The following ATL3 variants were observed in gnomAD, a reference collection of about 807,000 sequenced individuals.
The protein encoded by ATL3 is atlastin-3.
ATL3 carries 49 observed loss-of-function variants against 69.5 expected under a neutral mutation model. That is an observed-to-expected ratio of 0.71 (90% CI 0.56 to 0.89). ATL3 has a LOEUF of 0.89. Among genes scored for constraint, ATL3 ranks in the 40% least tolerant of loss-of-function variants. The probability of loss-of-function intolerance (pLI) is 0.00; values close to 1 mark genes in which losing one functional copy is unlikely to be tolerated. For missense variants in ATL3, 606 were observed against 645.7 expected, an observed-to-expected ratio of 0.94 and a Z score of 0.67; for synonymous variants, 214 against 224.1, an observed-to-expected ratio of 0.95 and a Z score of 0.40.
In ATL3 at chr11:63,635,527, T is replaced by G. The variant is rs1190085163; in HGVS notation, c.1035+7A>C. 6.2e-7 allele frequency: 1 copy of G among 1,610,346 alleles called. No individual in the cohort carries two copies. The highest frequency in any genetic ancestry group is 1.3e-5 in the African/African-American group (1 of 74,838). ...GGTAGCGTTTAGGATGTCAAATCAT[T>G]GTTTACCTGAAGCATGGACTTGGGG... On this transcript the variant is annotated splice_region_variant and intron_variant, in intron 10 of 12. Transcript: ENST00000398868.
chr11:63,632,740 T>C lies in ATL3; in HGVS notation c.1107+286A>G, dbSNP rs1192777402. The C allele has an allele frequency of 8.6e-6, 10 of 1,158,914 alleles. No homozygotes were observed. In the South Asian group the frequency reaches 1.1e-4, roughly 13 times the overall value. The allele number at this position is 1,158,914 out of a possible 1,614,324, so 71.8% of individuals were successfully genotyped here. On this transcript the variant is annotated intron_variant, in intron 11 of 12. Transcript: ENST00000398868. ...GATGATTAGTAAGCATTTATTCTTT[T>C]GACTTGATTATTGTCTCCTGCTCAT...
chr11:63,653,696 A>G (rs1455388355), intron 3 of ATL3, among the ~76,000 whole-genome samples: 1 of 152,236 alleles, frequency 6.6e-6, no homozygotes, highest in Non-Finnish European at 1.5e-5. Flanking sequence ...AAAGAGTTGC[A>G]GAAATCTTAA....
intron 1 of ATL3, among the ~76,000 whole-genome samples, chr11:63,665,675 G>A (rs1046089700): frequency 1.3e-5 from 2 of 152,084 alleles, no homozygotes; most frequent in African/African-American, 4.8e-5. Flanking sequence ...GATCACCTGA[G>A]ATCAGGAGTT....
Position 63,643,343 on chromosome 11 carries a change from C to T in ATL3, c.850+14G>A. The T allele has an allele frequency of 6.3e-7, 1 of 1,581,578 alleles. No individual in the cohort carries two copies. Among genetic ancestry groups the T allele is most frequent in the Non-Finnish European group, 8.6e-7 (1 of 1,166,374 alleles). ...AGATCGAATCACAGGTTTAAAATAA[C>T]ACCTGGAACACACCTTTTAATTTCC... On this transcript the variant is annotated intron_variant, in intron 8 of 12. Coordinates refer to ENST00000398868, the MANE Select transcript of ATL3 (RefSeq NM_015459.5).
chr11:63,638,831 TC>T (rs1352781368), intron 8 of ATL3, among the ~76,000 whole-genome samples: 1 of 152,010 alleles, frequency 6.6e-6, no homozygotes, highest in Non-Finnish European at 1.5e-5. Flanking sequence ...GGCATCTACC[TC>T]TAAATAAGTG....
rs937136545 is a variant in ATL3, at chr11:63,627,070, C to T, written c.*2249G>A. 6.6e-6 allele frequency: 1 copy of T among 152,140 alleles called. No homozygotes were observed. The highest frequency in any genetic ancestry group is 2.4e-5 in the African/African-American group (1 of 41,440). 9.4% of individuals were successfully genotyped at this position (152,140 alleles called of 1,614,324 possible). On this transcript the variant is annotated 3_prime_UTR_variant, in exon 13 of 13. Coordinates refer to ENST00000398868, the MANE Select transcript of ATL3 (RefSeq NM_015459.5). ...AAGATTTCATTAAATCATACATTAT[C>T]ACTTTTTTTAAAGTGACCTAATACT...
At chr11:63,639,110 C>A (rs1469371496) in intron 8 of ATL3, among the ~76,000 whole-genome samples, 1 of 151,536 alleles carries the variant, frequency 6.6e-6, no homozygotes, top group Non-Finnish European at 1.5e-5. Flanking sequence ...TTTTTAAATT[C>A]TGAAAACTAC....
At chr11:63,641,325 A>G (rs148359497) in intron 8 of ATL3, among the ~76,000 whole-genome samples, 250 of 152,344 alleles carry the variant, frequency 1.6e-3, no homozygotes, top group Non-Finnish European at 2.9e-3. Context: ...TAATCTACAT[A>G]TATGTATAGT....
At chr11:63,650,187 A>T (rs1234364761) in intron 5 of ATL3, among the ~76,000 whole-genome samples, 1 of 152,186 alleles carries the variant, frequency 6.6e-6, no homozygotes, top group Non-Finnish European at 1.5e-5. Context: ...TAATGTTTAT[A>T]ACACACCGCA....
chr11:63,636,707 C>T (rs146487028), intron 8 of ATL3, among the ~76,000 whole-genome samples: 3,497 of 150,156 alleles, frequency 0.023, 59 homozygotes, highest in Non-Finnish European at 0.036. Flanking sequence ...CCATTGCACT[C>T]CAGGCTGGGA....
At chr11:63,658,614 G>T in intron 3 of ATL3, 147 bp downstream of exon 3, 1 of 902,396 alleles carries the variant, frequency 1.1e-6, no homozygotes, top group Non-Finnish European at 1.5e-6. Context: ...TAAAATTTCA[G>T]GACAAAACAG....
intron 1 of ATL3, among the ~76,000 whole-genome samples, chr11:63,669,019 G>A (rs574116501): frequency 7.1e-6 from 1 of 140,076 alleles, no homozygotes; most frequent in East Asian, 2.0e-4. Context: ...TTGGGTGGGG[G>A]GGGGCGTCTC....
At chr11:63,669,818 G>A (rs922157686) in intron 1 of ATL3, among the ~76,000 whole-genome samples, 2 of 152,076 alleles carry the variant, frequency 1.3e-5, no homozygotes, top group African/African-American at 4.8e-5. Flanking sequence ...CCTGGTGGCG[G>A]ATGTCTATAA....
intron 1 of ATL3, among the ~76,000 whole-genome samples, chr11:63,669,017 G>A (rs377344107): frequency 1.4e-5 from 2 of 141,532 alleles, no homozygotes; most frequent in Admixed American, 7.0e-5. Flanking sequence ...TTTTGGGTGG[G>A]GGGGGGCGTC....
chr11:63,628,166 C>T lies in ATL3; in HGVS notation c.*1153G>A, dbSNP rs1287069311. On this transcript the variant is annotated 3_prime_UTR_variant, in exon 13 of 13. Transcript: ENST00000398868. Reference sequence around the variant, plus strand: ...ATATGTAAACCTACAGTGAACCTGACCAAGGCACAAGTTCAAGTGACTTAT... The same window carrying T: ...ATATGTAAACCTACAGTGAACCTGATCAAGGCACAAGTTCAAGTGACTTAT... The T allele has an allele frequency of 6.6e-6, 1 of 152,136 alleles. No homozygotes were observed. Among genetic ancestry groups the T allele is most frequent in the Non-Finnish European group, 1.5e-5 (1 of 68,024 alleles). 9.4% of individuals were successfully genotyped at this position (152,136 alleles called of 1,614,324 possible). A position where few individuals can be genotyped will look rare whatever the true frequency, so the allele number is the denominator to read the frequency against.
At chr11:63,647,327 G>A (rs1375843238) in intron 5 of ATL3, among the ~76,000 whole-genome samples, 1 of 152,180 alleles carries the variant, frequency 6.6e-6, no homozygotes, top group Non-Finnish European at 1.5e-5. Context: ...CCAGGTAGCT[G>A]GGATTACAGG....
At chr11:63,646,832 TC>T (rs1247637856) in intron 5 of ATL3, among the ~76,000 whole-genome samples, 6 of 152,144 alleles carry the variant, frequency 3.9e-5, no homozygotes, top group African/African-American at 1.4e-4. Context: ...AGCCCATGCC[TC>T]CCTATGGGCT....
At chr11:63,643,039 T>C (rs1565274123) in intron 8 of ATL3, among the ~76,000 whole-genome samples, 1 of 152,230 alleles carries the variant, frequency 6.6e-6, no homozygotes, top group Non-Finnish European at 1.5e-5. Context: ...AGGAAGTTAA[T>C]TTTACTTAAT....
chr11:63,665,631 T>G (rs1217074180), intron 1 of ATL3, among the ~76,000 whole-genome samples: 1 of 152,132 alleles, frequency 6.6e-6, no homozygotes, highest in African/African-American at 2.4e-5. Context: ...GTCTCGCCTA[T>G]AATCCTAGCA....
Sources: allele counts gnomAD v4.1 joint callset (sites outside exome capture counted in the v4.1 genomes callset), GRCh38; gene constraint gnomAD v4.1.1; transcripts MANE v1.5; gene names NCBI Gene and HGNC (gene_info 2026-07-23, HGNC 2026-07-21).